LPAR1: variants seen among roughly 807,000 people sequenced by gnomAD.
LPAR1 encodes lysophosphatidic acid receptor 1, also known as LPA receptor 1.
Under a neutral mutation model 23.8 loss-of-function variants are expected in LPAR1, and 5 were observed. That is an observed-to-expected ratio of 0.21 (90% CI 0.11 to 0.44). The LOEUF is 0.44. Ranked by LOEUF, LPAR1 falls within the 20% of genes least tolerant of loss-of-function variation. LPAR1 has a pLI of 0.99. For synonymous variants in LPAR1, 160 were observed against 164.7 expected, an observed-to-expected ratio of 0.97 and a Z score of 0.22; for missense variants, 311 against 482.8, an observed-to-expected ratio of 0.64 and a Z score of 3.33.
intron 4 of LPAR1, among the ~76,000 whole-genome samples, chr9:110,956,477 T>C (rs1005831579): frequency 1.5e-4 from 22 of 150,118 alleles, no homozygotes; most frequent in Admixed American, 3.3e-4. Flanking sequence ...CTAAATAAAA[T>C]AGACTTTAAA....
Position 110,945,873 on chromosome 9 carries a change from C to T in LPAR1, c.46-3705G>A, listed in dbSNP as rs906111774. ...ACACTCAATCTTCTTTCTCACTCTACCACATTTGATGACCCCTGTGATTAC... is the reference window on the plus strand; with the variant it reads ...ACACTCAATCTTCTTTCTCACTCTATCACATTTGATGACCCCTGTGATTAC... On this transcript the variant is annotated intron_variant, in intron 4 of 5. Coordinates refer to ENST00000683809, the MANE Select transcript of LPAR1 (RefSeq NM_001351411.2). Among the ~76,000 whole-genome samples, 26 of 152,134 alleles carry T rather than the reference C, an allele frequency of 1.7e-4. 1 individual carries two copies. The highest frequency in any genetic ancestry group is 1.7e-3 in the Admixed American group (26 of 15,270).
intron 5 of LPAR1, among the ~76,000 whole-genome samples, chr9:110,879,410 T>A (rs1588104915): frequency 1.1e-5 from 1 of 90,016 alleles, no homozygotes; most frequent in East Asian, 3.9e-4. Flanking sequence ...AGAGCAAGAC[T>A]CCATCTCAAA....
chr9:110,966,902 T>C (rs937617230), intron 4 of LPAR1, among the ~76,000 whole-genome samples: 4 of 152,154 alleles, frequency 2.6e-5, no homozygotes, highest in Admixed American at 6.5e-5. Context: ...CCAACTTCTA[T>C]CCACAGTAAC....
At chr9:111,004,724 G>C (rs1223988407) in intron 2 of LPAR1, among the ~76,000 whole-genome samples, 1 of 152,006 alleles carries the variant, frequency 6.6e-6, no homozygotes, top group Non-Finnish European at 1.5e-5. Context: ...CTCTGTACTT[G>C]GCCCTTTCCT....
At chr9:110,988,503 A>C (rs1385519466) in intron 2 of LPAR1, among the ~76,000 whole-genome samples, 1 of 152,200 alleles carries the variant, frequency 6.6e-6, no homozygotes, top group Non-Finnish European at 1.5e-5. Flanking sequence ...ATCTGAATAG[A>C]TATTTTTCTA....
rs181449561 is a variant in LPAR1 at position 110,943,472 on chromosome 9, C to T, written c.46-1304G>A. Among the ~76,000 whole-genome samples the T allele has an allele frequency of 5.0e-4, 76 of 152,216 alleles. 1 individual carries two copies. The highest frequency in any genetic ancestry group is 1.7e-3 in the African/African-American group (69 of 41,540). ...TTACCCAGGCATCTAAAGTCTCTTT[C>T]CTTATCTAGACTTTAATAGCTTTTA... On this transcript the variant is annotated intron_variant, in intron 4 of 5. Transcript: ENST00000683809.
At chr9:111,038,604 C>G (rs756981005), upstream of LPAR1, 1 of 455,246 alleles carries the variant, frequency 2.2e-6, no homozygotes, top group African/African-American at 2.0e-5. This position sits in a 1 kb window ranked among gnomAD's most constrained non-coding sequence, Gnocchi z 4.4. Context: ...TCAGCAACAC[C>G]CGAACCCCCA....
At chr9:110,883,758 T>C (rs1021058938) in intron 5 of LPAR1, among the ~76,000 whole-genome samples, 3 of 152,154 alleles carry the variant, frequency 2.0e-5, no homozygotes, top group African/African-American at 7.2e-5. Context: ...CACAGATGTA[T>C]TTCCAACTTT....
Position 110,972,224 on chromosome 9 carries a change from G to A in LPAR1, c.-103-4C>T, listed in dbSNP as rs570924980. 6.2e-6 allele frequency: 6 copies of A among 963,552 alleles called. No homozygotes were observed. The Admixed American group carries it at 1.1e-4, about 17-fold the overall frequency. The allele number at this position is 963,552 out of a possible 1,614,324, so 59.7% of individuals were successfully genotyped here. ...CATGCTAGGAGAAGCTGTGTACCTG[G>A]AAAACAACAGGAAAACCCACATTTA... On this transcript the variant is annotated splice_region_variant and splice_polypyrimidine_tract_variant and intron_variant, in intron 3 of 5. Coordinates refer to ENST00000683809, the MANE Select transcript of LPAR1 (RefSeq NM_001351411.2).
chr9:110,880,761 A>G (rs2080523931), intron 5 of LPAR1, among the ~76,000 whole-genome samples: 2 of 152,218 alleles, frequency 1.3e-5, no homozygotes, highest in Non-Finnish European at 2.9e-5. Flanking sequence ...AAAATAAATG[A>G]GTGCCTAAGT....
chr9:110,922,490 A>G (rs370227777), intron 5 of LPAR1, among the ~76,000 whole-genome samples: 1 of 152,230 alleles, frequency 6.6e-6, no homozygotes, highest in African/African-American at 2.4e-5. Flanking sequence ...AGGTGCATAC[A>G]TACCTTAGTA....
chr9:110,962,220 T>A (rs2096022034), intron 4 of LPAR1, among the ~76,000 whole-genome samples: 1 of 152,094 alleles, frequency 6.6e-6, no homozygotes, highest in African/African-American at 2.4e-5. Context: ...ATTCCTAAGT[T>A]CCCATCAGTC....
intron 4 of LPAR1, among the ~76,000 whole-genome samples, chr9:110,955,286 T>G (rs1298064357): frequency 6.6e-6 from 1 of 152,148 alleles, no homozygotes; most frequent in Non-Finnish European, 1.5e-5. Flanking sequence ...CACAAGTACC[T>G]ATACACATGT....
intron 5 of LPAR1, among the ~76,000 whole-genome samples, chr9:110,885,682 A>G (rs564718367): frequency 2.2e-4 from 34 of 152,344 alleles, no homozygotes; most frequent in African/African-American, 8.2e-4. Flanking sequence ...AAACCTTAAG[A>G]TGGGTCACTG....
At chr9:110,954,434 T>C (rs1481967436) in intron 4 of LPAR1, among the ~76,000 whole-genome samples, 1 of 152,152 alleles carries the variant, frequency 6.6e-6, no homozygotes, top group Non-Finnish European at 1.5e-5. Flanking sequence ...TTCCCAAGTC[T>C]AGCAAGAGAA....
At chr9:111,000,261 A>C (rs1443430192) in intron 2 of LPAR1, among the ~76,000 whole-genome samples, 1 of 152,216 alleles carries the variant, frequency 6.6e-6, no homozygotes, top group Non-Finnish European at 1.5e-5. Context: ...TGGCCTCCTG[A>C]ATATGGGAGA....
At chr9:110,895,264 G>A (rs189658245) in intron 5 of LPAR1, among the ~76,000 whole-genome samples, 3 of 152,338 alleles carry the variant, frequency 2.0e-5, no homozygotes, top group Non-Finnish European at 2.9e-5. Context: ...AAGACAGGGT[G>A]TACTGGACGC....
At chr9:111,028,117 C>G (rs2097730376) in intron 2 of LPAR1, among the ~76,000 whole-genome samples, 1 of 150,666 alleles carries the variant, frequency 6.6e-6, no homozygotes, top group South Asian at 2.1e-4. Context: ...GAAATTATCC[C>G]AAAATGGAAT....
chr9:110,991,704 G>A (rs377706587), intron 2 of LPAR1, among the ~76,000 whole-genome samples: 1 of 152,140 alleles, frequency 6.6e-6, no homozygotes, highest in Admixed American at 6.6e-5. Flanking sequence ...CGCCTCCCAG[G>A]TTCGAGCAAT....
Sources: gnomAD v4.1 joint callset for allele counts (sites outside exome capture counted in the v4.1 genomes callset) on GRCh38, gnomAD v4.1.1 for gene constraint, Gnocchi (gnomAD v3.1) non-coding constraint, MANE v1.5 for transcripts, NCBI Gene and HGNC (gene_info 2026-07-23, HGNC 2026-07-21) for gene names.